Variants in CCDC7 observed in about 807,000 individuals in gnomAD.
CCDC7 encodes the protein coiled-coil domain containing 7, also known as coiled-coil domain-containing protein 7.
In CCDC7, 183 loss-of-function variants were observed where a neutral mutation model predicts 196.9. That is an observed-to-expected ratio of 0.93 (90% CI 0.82 to 1.05). The LOEUF (loss-of-function observed/expected upper bound fraction) is 1.05, where lower values mean the gene tolerates loss of function less well. CCDC7 is among the 50% of genes least tolerant of loss of function. The pLI is 0.00. For synonymous variants in CCDC7, 525 were observed against 484.6 expected (o/e 1.08, Z -1.10); for missense variants, 1,540 against 1,482.2 (o/e 1.04, Z -0.64).
chr10:32,675,131 A>G (rs898867168), intron 21 of CCDC7, among the ~76,000 whole-genome samples: 1 of 151,984 alleles, frequency 6.6e-6, no homozygotes, highest in Non-Finnish European at 1.5e-5. Flanking sequence ...TTACTATTGC[A>G]ATTATATTGT....
At chr10:32,759,321 T>C (rs2133789556) in intron 28 of CCDC7, among the ~76,000 whole-genome samples, 1 of 152,284 alleles carries the variant, frequency 6.6e-6, no homozygotes, top group Admixed American at 6.5e-5. Flanking sequence ...GCTGGAGGCA[T>C]CACGCTACCT....
intron 20 of CCDC7, among the ~76,000 whole-genome samples, chr10:32,652,345 G>A (rs2068924758): frequency 6.6e-6 from 1 of 151,880 alleles, no homozygotes; most frequent in African/African-American, 2.4e-5. Context: ...CATATACTTG[G>A]ATCTTATTTT....
Position 32,694,858 on chromosome 10 carries a change from TA to T in CCDC7, c.2345-18del. ...TAGGTCTGTTTTTCCATTAAGAGACTAAATGCATCTCCTTATGTAGCTCATG... is the reference window on the plus strand; with the variant it reads ...TAGGTCTGTTTTTCCATTAAGAGACTAATGCATCTCCTTATGTAGCTCATG... On this transcript the variant is annotated intron_variant, in intron 23 of 41. Transcript: ENST00000639629. 1 of 1,437,470 alleles carries T rather than the reference TA, an allele frequency of 7.0e-7. No homozygotes were observed. The highest frequency in any genetic ancestry group is 9.5e-7 in the Non-Finnish European group (1 of 1,056,140). 89.0% of individuals were successfully genotyped at this position (1,437,470 alleles called of 1,614,324 possible).
At chr10:32,789,910 A>T (rs532105778) in intron 29 of CCDC7, among the ~76,000 whole-genome samples, 1 of 152,380 alleles carries the variant, frequency 6.6e-6, no homozygotes, top group South Asian at 2.1e-4. Context: ...AACTGGCTCC[A>T]AGTAAGTCCA....
At chr10:32,773,866 G>A (rs2079551211) in intron 28 of CCDC7, among the ~76,000 whole-genome samples, 1 of 152,072 alleles carries the variant, frequency 6.6e-6, no homozygotes, top group East Asian at 1.9e-4. Flanking sequence ...TGAGTCTGGG[G>A]AAGACTTATA....
chr10:32,748,778 G>T (rs1592313083), intron 28 of CCDC7, among the ~76,000 whole-genome samples: 1 of 152,142 alleles, frequency 6.6e-6, no homozygotes, highest in Admixed American at 6.5e-5. Flanking sequence ...GTTAGGCTCT[G>T]ATAAAACCCT....
At chr10:32,828,523 AAG>A (rs2091697815) in intron 32 of CCDC7, among the ~76,000 whole-genome samples, 1 of 150,284 alleles carries the variant, frequency 6.7e-6, no homozygotes, top group Non-Finnish European at 1.5e-5. Flanking sequence ...GAAGAAGAAG[AAG>A]AAGAAGAAGA....
At chr10:32,879,921 A>G (rs936913657), downstream of CCDC7, among the ~76,000 whole-genome samples, 2 of 151,962 alleles carry the variant, frequency 1.3e-5, no homozygotes, top group African/African-American at 4.8e-5. Flanking sequence ...TCCATGGTGT[A>G]TATGTACATT....
rs560300995 is a variant in CCDC7 at position 32,479,063 on chromosome 10, T to A, written c.796+5040T>A. Among the ~76,000 whole-genome samples the A allele has an allele frequency of 3.5e-3, 530 of 152,292 alleles. 1 individual carries two copies. The highest frequency in any genetic ancestry group is 4.9e-3 in the Non-Finnish European group (335 of 67,982). ...TTTCCAAGAATTTGTCCATATAATC[T>A]AAATTATCAAATTTGTTAGCATAAG... On this transcript the variant is annotated intron_variant, in intron 8 of 41. Transcript: ENST00000639629.
intron 9 of CCDC7, 24 bp from the exon 11 acceptor site, chr10:32,517,921 C>T (rs746701036): frequency 1.9e-6 from 3 of 1,585,412 alleles, no homozygotes; most frequent in South Asian, 1.2e-5. Context: ...ATTATAAACA[C>T]ACTTTTTTTG....
chr10:32,584,752 C>CAAAAAAAA (rs749922864), intron 18 of CCDC7, among the ~76,000 whole-genome samples: 3 of 56,330 alleles, frequency 5.3e-5, no homozygotes, highest in African/African-American at 9.4e-5. Flanking sequence ...CACTTCATCT[C>CAAAAAAAA]AAAAAAAAAA....
intron 9 of CCDC7, among the ~76,000 whole-genome samples, chr10:32,494,641 C>G (rs11596240): frequency 2.0e-5 from 3 of 151,914 alleles, no homozygotes; most frequent in Admixed American, 1.3e-4. Flanking sequence ...CGAGAACATG[C>G]GGTGTTTGGT....
intron 11 of CCDC7, among the ~76,000 whole-genome samples, chr10:32,541,775 G>C (rs2051480923): frequency 6.6e-6 from 1 of 152,208 alleles, no homozygotes; most frequent in Non-Finnish European, 1.5e-5. Flanking sequence ...TAGAAATGTG[G>C]TGGAGTTGGT....
intron 5 of CCDC7, among the ~76,000 whole-genome samples, chr10:32,467,023 C>T (rs1330596634): frequency 6.6e-6 from 1 of 151,730 alleles, no homozygotes; most frequent in Non-Finnish European, 1.5e-5. Flanking sequence ...CTCTAATGAT[C>T]AGTGATGTTG....
At chr10:32,785,382 A>G (rs2081686879) in intron 29 of CCDC7, among the ~76,000 whole-genome samples, 1 of 152,250 alleles carries the variant, frequency 6.6e-6, no homozygotes, top group Admixed American at 6.5e-5. Flanking sequence ...TGAAGAAAAC[A>G]TAATGGACAC....
chr10:32,523,465 C>A (rs1163286814), intron 11 of CCDC7, among the ~76,000 whole-genome samples: 1 of 151,564 alleles, frequency 6.6e-6, no homozygotes, highest in African/African-American at 2.4e-5. Context: ...AGGAGAATTG[C>A]TTGAACCTGG....
chr10:32,661,534 A>G (rs980977273), intron 20 of CCDC7, among the ~76,000 whole-genome samples: 2 of 152,150 alleles, frequency 1.3e-5, no homozygotes, highest in African/African-American at 4.8e-5. Flanking sequence ...TGCCCATAGC[A>G]TACTACCGAG....
chr10:32,674,298 A>G (rs1018146771), intron 21 of CCDC7, among the ~76,000 whole-genome samples: 1 of 151,942 alleles, frequency 6.6e-6, no homozygotes, highest in Admixed American at 6.6e-5. Context: ...GATTTTTTAA[A>G]ATCTCAAGAT....
At chr10:32,803,770 C>A (rs761236213) in intron 29 of CCDC7, among the ~76,000 whole-genome samples, 64 of 152,144 alleles carry the variant, frequency 4.2e-4, no homozygotes, top group Middle Eastern at 6.8e-3. Flanking sequence ...TTGTTCTTGT[C>A]ATTTTGTTGT....
Sources: allele counts gnomAD v4.1 joint callset (sites outside exome capture counted in the v4.1 genomes callset), GRCh38; gene constraint gnomAD v4.1.1; transcripts MANE v1.5; gene names NCBI Gene and HGNC (gene_info 2026-07-23, HGNC 2026-07-21).